The following RASSF5 variants were observed in gnomAD, a reference collection of about 807,000 sequenced individuals.
RASSF5 encodes ras association domain-containing protein 5.
In RASSF5, 25 loss-of-function variants were observed where a neutral mutation model predicts 40.5. That is an observed-to-expected ratio of 0.62 (90% CI 0.45 to 0.86). RASSF5 has a LOEUF of 0.86. RASSF5 is among the 40% of genes least tolerant of loss of function. The pLI, the probability that RASSF5 is intolerant of heterozygous loss-of-function variation, is 0.00. For synonymous variants in RASSF5, 246 were observed against 252.4 expected, an observed-to-expected ratio of 0.97 and a Z score of 0.24; for missense variants, 521 against 572.8, an observed-to-expected ratio of 0.91 and a Z score of 0.92.
chr1:206,564,117 C>CAAACA (rs1668221392), intron 2 of RASSF5, among the ~76,000 whole-genome samples: 1 of 152,208 alleles, frequency 6.6e-6, no homozygotes, highest in Admixed American at 6.5e-5. Context: ...ATGTGAGTGT[C>CAAACA]CTTATCTTCC....
intron 2 of RASSF5, among the ~76,000 whole-genome samples, chr1:206,561,282 A>C (rs1408434179): frequency 3.3e-5 from 5 of 152,178 alleles, no homozygotes; most frequent in African/African-American, 1.2e-4. Context: ...ACTCCTTGTC[A>C]AGTTCTCTTC....
At chr1:206,524,083 TATA>T (rs1267339875) in intron 1 of RASSF5, among the ~76,000 whole-genome samples, 9 of 129,848 alleles carry the variant, frequency 6.9e-5, no homozygotes, top group African/African-American at 2.3e-4. Context: ...ATATTTTATA[TATA>T]ATATGTATAC....
At position 206,538,308 on chromosome 1, in the gene RASSF5, T is replaced by A. The variant is rs782083131; in HGVS notation, c.579+15T>A. On this transcript the variant is annotated intron_variant, in intron 2 of 5. Coordinates refer to ENST00000579436, the MANE Select transcript of RASSF5 (RefSeq NM_182663.4). ...CCTTCAGCCAGGTAGGTGCCAAAGC[T>A]CTCGTACCAAGCTGGGAACAGCCTC... 2 of 1,612,632 alleles carry A rather than the reference T, an allele frequency of 1.2e-6. No individual in the cohort carries two copies. The highest frequency in any genetic ancestry group is 1.7e-6 in the Non-Finnish European group (2 of 1,179,656).
intron 1 of RASSF5, among the ~76,000 whole-genome samples, chr1:206,512,539 A>C (rs1375935901): frequency 6.6e-6 from 1 of 152,108 alleles, no homozygotes; most frequent in Non-Finnish European, 1.5e-5. Context: ...CGGAGTTATT[A>C]GGTGGAAGTG....
chr1:206,549,390 C>G (rs932049720), intron 2 of RASSF5, among the ~76,000 whole-genome samples: 1 of 152,184 alleles, frequency 6.6e-6, no homozygotes, highest in African/African-American at 2.4e-5. Context: ...TCTCTGGGCT[C>G]CTCACAGCCT....
chr1:206,525,856 A>T (rs782644813), intron 1 of RASSF5, among the ~76,000 whole-genome samples: 4 of 152,180 alleles, frequency 2.6e-5, no homozygotes, highest in South Asian at 2.1e-4. Context: ...TGTCAATCCC[A>T]TCCAGCCCTG....
intron 2 of RASSF5, among the ~76,000 whole-genome samples, chr1:206,561,362 A>G (rs1165169812): frequency 1.3e-5 from 2 of 152,198 alleles, no homozygotes; most frequent in Non-Finnish European, 2.9e-5. Flanking sequence ...AGAACCTTCT[A>G]CAAAATGGAA....
intron 2 of RASSF5, among the ~76,000 whole-genome samples, chr1:206,576,659 G>A (rs1159611320): frequency 1.3e-5 from 2 of 152,238 alleles, no homozygotes; most frequent in African/African-American, 4.8e-5. Context: ...AGCAGAGGAT[G>A]GAGAGATGGC....
At chr1:206,574,388 G>A (rs1668557781) in intron 2 of RASSF5, among the ~76,000 whole-genome samples, 1 of 152,178 alleles carries the variant, frequency 6.6e-6, no homozygotes, top group African/African-American at 2.4e-5. Context: ...CATCTCTCAA[G>A]GTGCCTTTCA....
chr1:206,537,412 C>A (rs1384538514), intron 1 of RASSF5, among the ~76,000 whole-genome samples: 1 of 152,184 alleles, frequency 6.6e-6, no homozygotes, highest in East Asian at 1.9e-4. Flanking sequence ...AACAGCACTT[C>A]CTGCTGATGA....
intron 2 of RASSF5, among the ~76,000 whole-genome samples, chr1:206,570,511 A>G (rs1668416569): frequency 6.6e-6 from 1 of 151,972 alleles, no homozygotes; most frequent in African/African-American, 2.4e-5. Context: ...GAAACTCCTT[A>G]CCAATTAAAC....
rs1668800409 is a variant in RASSF5, at chr1:206,579,879, A to C, written c.580-3390A>C. Among the ~76,000 whole-genome samples, 1 of 152,108 alleles carries C rather than the reference A, an allele frequency of 6.6e-6. No individual in the cohort carries two copies. Among genetic ancestry groups the C allele is most frequent in the African/African-American group, 2.4e-5 (1 of 41,404 alleles). ...GCTGGCTGGCCTAATTCAGGAGGTG[A>C]TTCATTTGGTCCATGGGTCACATCT... is the stretch of plus-strand genomic sequence containing the variant. On this transcript the variant is annotated intron_variant, in intron 2 of 5. Transcript: ENST00000579436. This position sits in a 1 kb window ranked among gnomAD's most constrained non-coding sequence, Gnocchi z 4.2.
chr1:206,519,234 G>T (rs1553395765), intron 1 of RASSF5, among the ~76,000 whole-genome samples: 1 of 152,166 alleles, frequency 6.6e-6, no homozygotes, highest in Non-Finnish European at 1.5e-5. Context: ...GTCATCCCAT[G>T]CCCCTTTTCC....
At chr1:206,574,602 C>G (rs922732244) in intron 2 of RASSF5, among the ~76,000 whole-genome samples, 8 of 152,180 alleles carry the variant, frequency 5.3e-5, no homozygotes, top group African/African-American at 1.9e-4. Context: ...CATGATAAAG[C>G]CCCTTCCCTG....
At chr1:206,536,431 C>T (rs1411123207) in intron 1 of RASSF5, among the ~76,000 whole-genome samples, 1 of 152,090 alleles carries the variant, frequency 6.6e-6, no homozygotes, top group African/African-American at 2.4e-5. Flanking sequence ...TCTGGGATCT[C>T]TGTGTGTCCC....
At position 206,585,236 on chromosome 1, in the gene RASSF5, G is replaced by C; in HGVS notation, c.1045G>C (p.Gly349Arg). 6.2e-7 allele frequency: 1 copy of C among 1,614,176 alleles called. No individual in the cohort carries two copies. Among genetic ancestry groups the C allele is most frequent in the Non-Finnish European group, 8.5e-7 (1 of 1,180,034 alleles). Residue 349 changes from glycine (G) to arginine (R), a missense_variant, in exon 5 of 6, where the codon GGG becomes CGG. By Grantham distance (125) the Gly-to-Arg change is moderately radical (BLOSUM62 -2). This residue lies in a region of RASSF5 where 284 missense variants were observed against 360.8 expected (regional missense o/e 0.79). Transcript: ENST00000579436. ...CCCCCTCTACCTGCGCCTGCTTGCTGGGCCTGACACGGAGGTCCTCAGCTT... is the reference window on the plus strand; with the variant it reads ...CCCCCTCTACCTGCGCCTGCTTGCTCGGCCTGACACGGAGGTCCTCAGCTT... ...DRPLYLRLLAGPDTEVLSFVL... is the reference protein window; with the variant it reads ...DRPLYLRLLARPDTEVLSFVL...
At chr1:206,564,698 A>G (rs1245194164) in intron 2 of RASSF5, among the ~76,000 whole-genome samples, 1 of 152,058 alleles carries the variant, frequency 6.6e-6, no homozygotes, top group African/African-American at 2.4e-5. Context: ...GGGAACTGAG[A>G]CCTGTCCTGC....
In RASSF5 at chr1:206,589,179, TCA is replaced by T. The variant is rs1331274601; in HGVS notation, c.*2202_*2203del. Reference sequence around the variant, plus strand: ...GTAGTGCCTTCTTTGGTTGTGTTGCTCAGTGTGTAAGTGTTTGTTTCCAGGAT... The same window carrying T: ...GTAGTGCCTTCTTTGGTTGTGTTGCTGTGTGTAAGTGTTTGTTTCCAGGAT... On this transcript the variant is annotated 3_prime_UTR_variant, in exon 6 of 6. Transcript: ENST00000579436. 6.5e-6 allele frequency: 1 copy of T among 152,760 alleles called. No homozygotes were observed. Among genetic ancestry groups the T allele is most frequent in the African/African-American group, 2.4e-5 (1 of 41,436 alleles). 9.5% of individuals were successfully genotyped at this position (152,760 alleles called of 1,614,324 possible).
chr1:206,514,604 G>A (rs1344846171), intron 1 of RASSF5, among the ~76,000 whole-genome samples: 5 of 152,166 alleles, frequency 3.3e-5, no homozygotes, highest in Admixed American at 6.5e-5. Flanking sequence ...CATCTGCAAT[G>A]GCCATTGGCT....
Sources: gnomAD v4.1 joint callset for allele counts (sites outside exome capture counted in the v4.1 genomes callset) on GRCh38, gnomAD v4.1.1 for gene constraint, gnomAD v4.1.1 regional missense constraint, Gnocchi (gnomAD v3.1) non-coding constraint, MANE v1.5 for transcripts, NCBI Gene and HGNC (gene_info 2026-07-23, HGNC 2026-07-21) for gene names.